Variants in RAB31 observed in about 807,000 individuals in gnomAD.
RAB31 encodes RAB31, member RAS oncogene family, also known as ras-related protein Rab-31.
In RAB31, 21 loss-of-function variants were observed where a neutral mutation model predicts 25.6. The observed-to-expected ratio is 0.82, with a 90% CI of 0.58 to 1.18. The LOEUF is 1.18. Ranked by LOEUF, RAB31 falls within the 50% of genes most tolerant of loss-of-function variation. RAB31 has a pLI of 0.00. For synonymous variants in RAB31, 87 were observed against 84.0 expected, an observed-to-expected ratio of 1.04 and a Z score of -0.20; for missense variants, 196 against 250.1, an observed-to-expected ratio of 0.78 and a Z score of 1.46.
At chr18:9,844,144 T>A (rs1448244450) in intron 5 of RAB31, among the ~76,000 whole-genome samples, 1 of 152,196 alleles carries the variant, frequency 6.6e-6, no homozygotes, top group Non-Finnish European at 1.5e-5. Context: ...CCATCCATTC[T>A]ATGCACCATT....
intron 6 of RAB31, among the ~76,000 whole-genome samples, chr18:9,846,186 T>C (rs147928973): frequency 6.6e-6 from 1 of 152,302 alleles, no homozygotes; most frequent in Non-Finnish European, 1.5e-5. Context: ...AGGTACCCCA[T>C]GTGTCTGGTG....
In RAB31 at chr18:9,791,194, A is replaced by G. The variant is rs945292137; in HGVS notation, c.120-960A>G. 5.9e-5 allele frequency among the ~76,000 whole-genome samples: 9 copies of G among 152,290 alleles called. No homozygotes were observed. In the East Asian group the frequency reaches 1.7e-3, roughly 29 times the overall value. The stretch of plus-strand genomic sequence containing the variant: ...ATTAGTTGCTACTAGTGTTGGTTTC[A>G]TATTAGCATAGTAAATATGTAAGAC... On this transcript the variant is annotated intron_variant, in intron 2 of 6. Coordinates refer to ENST00000578921, the MANE Select transcript of RAB31 (RefSeq NM_006868.4).
chr18:9,714,030 A>G (rs947001070), intron 1 of RAB31, among the ~76,000 whole-genome samples: 8 of 152,226 alleles, frequency 5.3e-5, no homozygotes, highest in Admixed American at 1.3e-4. Flanking sequence ...GGACACAAAT[A>G]TTAATTCCAT....
At chr18:9,731,404 T>G (rs1019591992) in intron 1 of RAB31, among the ~76,000 whole-genome samples, 1 of 152,200 alleles carries the variant, frequency 6.6e-6, no homozygotes, top group Admixed American at 6.5e-5. Context: ...AGAATCGTTA[T>G]GTTAGAAAAT....
At position 9,815,151 on chromosome 18, in the gene RAB31, G is replaced by A. The variant is rs370221124; in HGVS notation, c.309G>A (p.Glu103=). 187 of 1,556,158 alleles carry A rather than the reference G, an allele frequency of 1.2e-4. 1 individual carries two copies. Among genetic ancestry groups the A allele is most frequent in the Non-Finnish European group, 1.5e-4 (173 of 1,148,686 alleles). The change falls in exon 5 of 7, where the codon GAG becomes GAA. Residue 103 remains glutamate, a synonymous_variant. Coordinates refer to ENST00000578921, the MANE Select transcript of RAB31 (RefSeq NM_006868.4). ...ATACCTTGAAGAAATGGGTCAAGGA[G>A]CTGAAAGAACATGGTCCAGAAAACA... ...SFYTLKKWVK[E]LKEHGPENIV...
At chr18:9,749,736 C>T (rs922435871) in intron 1 of RAB31, among the ~76,000 whole-genome samples, 1 of 152,176 alleles carries the variant, frequency 6.6e-6, no homozygotes, top group African/African-American at 2.4e-5. Flanking sequence ...ATATATTAGT[C>T]CAGAGCACAG....
intron 5 of RAB31, among the ~76,000 whole-genome samples, chr18:9,828,107 A>C (rs900764280): frequency 6.6e-6 from 1 of 152,116 alleles, no homozygotes; most frequent in African/African-American, 2.4e-5. Context: ...AAGATCTGGA[A>C]CGAAGGCCTG....
At chr18:9,841,637 G>A (rs2068735071) in intron 5 of RAB31, among the ~76,000 whole-genome samples, 1 of 152,006 alleles carries the variant, frequency 6.6e-6, no homozygotes, top group African/African-American at 2.4e-5. Flanking sequence ...CCCATGGGCT[G>A]AGCAGAGGGG....
At chr18:9,822,169 C>T (rs143139287) in intron 5 of RAB31, among the ~76,000 whole-genome samples, 1 of 152,228 alleles carries the variant, frequency 6.6e-6, no homozygotes, top group African/African-American at 2.4e-5. Flanking sequence ...CAAATATGCT[C>T]AATTGATTTT....
At chr18:9,824,325 T>C (rs1405724357) in intron 5 of RAB31, among the ~76,000 whole-genome samples, 2 of 150,118 alleles carry the variant, frequency 1.3e-5, no homozygotes, top group Non-Finnish European at 3.0e-5. Flanking sequence ...TGTGTAGATG[T>C]ATGTGTGTAT....
intron 5 of RAB31, among the ~76,000 whole-genome samples, chr18:9,832,926 A>G (rs1162385368): frequency 1.3e-5 from 2 of 152,198 alleles, no homozygotes; most frequent in Non-Finnish European, 2.9e-5. Context: ...GGGAGCTTCC[A>G]AAACTGCAGC....
rs141142207 is a variant in RAB31, at chr18:9,743,130, A to T, written c.40-32148A>T. Among the ~76,000 whole-genome samples the T allele has an allele frequency of 1.7e-4, 26 of 152,302 alleles. No individual in the cohort carries two copies. In the East Asian group the frequency reaches 4.4e-3, roughly 26 times the overall value. On this transcript the variant is annotated intron_variant, in intron 1 of 6. Coordinates refer to ENST00000578921, the MANE Select transcript of RAB31 (RefSeq NM_006868.4). ...AAAGCTTTAAGAATTCAGCCCCTAG[A>T]CCTGCTTTTGACTGAAATAGTTTTG...
intron 3 of RAB31, among the ~76,000 whole-genome samples, chr18:9,797,723 CA>C (rs2068493879): frequency 6.6e-6 from 1 of 152,196 alleles, no homozygotes. Context: ...GATCGTTCTT[CA>C]GATATCTCTA....
At chr18:9,742,674 A>G (rs1294738152) in intron 1 of RAB31, among the ~76,000 whole-genome samples, 2 of 152,220 alleles carry the variant, frequency 1.3e-5, no homozygotes, top group Non-Finnish European at 2.9e-5. Context: ...GCCCAATTAC[A>G]GTTTATTTCC....
chr18:9,727,205 G>T (rs1342477644), intron 1 of RAB31, among the ~76,000 whole-genome samples: 2 of 152,188 alleles, frequency 1.3e-5, no homozygotes, highest in African/African-American at 4.8e-5. Context: ...ATGCCCTGGT[G>T]CTATGTAGAT....
intron 1 of RAB31, among the ~76,000 whole-genome samples, chr18:9,724,368 C>T (rs1434188341): frequency 1.3e-5 from 2 of 151,646 alleles, no homozygotes; most frequent in Non-Finnish European, 1.5e-5. Flanking sequence ...ATGAGAATTG[C>T]ATGACTGGAC....
intron 1 of RAB31, among the ~76,000 whole-genome samples, chr18:9,721,393 C>G (rs140756060): frequency 0.023 from 3,540 of 152,172 alleles, 118 homozygotes; most frequent in African/African-American, 0.081. Context: ...GCAGGCAGAT[C>G]ACTTGAGGTC....
In RAB31 at chr18:9,800,910, C is replaced by A. The variant is rs35693584; in HGVS notation, c.201+8675C>A. ...GAATTGTTCAACCATCAGCACAATC[C>A]ATTTTAGAGCATTTTTATCAGTCCA... On this transcript the variant is annotated intron_variant, in intron 3 of 6. Transcript: ENST00000578921. Among the ~76,000 whole-genome samples, 382 of 152,268 alleles carry A rather than the reference C, an allele frequency of 2.5e-3. 1 individual carries two copies. Among genetic ancestry groups the A allele is most frequent in the African/African-American group, 8.9e-3 (368 of 41,554 alleles).
chr18:9,826,962 C>T (rs1301906640), intron 5 of RAB31, among the ~76,000 whole-genome samples: 1 of 152,138 alleles, frequency 6.6e-6, no homozygotes, highest in Non-Finnish European at 1.5e-5. Context: ...GCAGCCTTGA[C>T]CTATAGCTGC....
Sources: gnomAD v4.1 joint callset for allele counts (sites outside exome capture counted in the v4.1 genomes callset) on GRCh38, gnomAD v4.1.1 for gene constraint, MANE v1.5 for transcripts, NCBI Gene and HGNC (gene_info 2026-07-23, HGNC 2026-07-21) for gene names.